Variants in DNAH14 observed in about 807,000 individuals in gnomAD.
DNAH14 encodes dynein axonemal heavy chain 14.
In DNAH14, 478 loss-of-function variants were observed where a neutral mutation model predicts 520.9. The observed-to-expected ratio is 0.92, with a 90% confidence interval of 0.85 to 0.99. The LOEUF is 0.99. DNAH14 is among the 50% of genes least tolerant of loss of function. DNAH14 has a pLI of 0.00. For synonymous variants in DNAH14, 1,581 were observed against 1,757.2 expected, an observed-to-expected ratio of 0.90 and a Z score of 2.51; for missense variants, 4,831 against 5,234.5, an observed-to-expected ratio of 0.92 and a Z score of 2.38.
chr1:225,324,791 G>A lies in DNAH14; in HGVS notation c.9682G>A (p.Ala3228Thr). The A allele has an allele frequency of 1.3e-6, 2 of 1,551,398 alleles. No individual in the cohort carries two copies. Among genetic ancestry groups the A allele is most frequent in the Non-Finnish European group, 1.7e-6 (2 of 1,146,896 alleles). ...VAEAQNVLKI[A>T]RQRLAEKQRG... ...TGAAGCTCAAAACGTCCTTAAAATT[G>A]CGCGACAAAGACTTGCTGAGAAACA... is the stretch of plus-strand genomic sequence containing the variant. The change falls in exon 64 of 86, where the codon GCG becomes ACG. Residue 3228 changes from alanine to threonine, a missense_variant. Coordinates refer to ENST00000682510, the MANE Select transcript of DNAH14 (RefSeq NM_001367479.1).
chr1:225,263,037 A>G (rs2092990637), intron 46 of DNAH14, among the ~76,000 whole-genome samples: 1 of 151,816 alleles, frequency 6.6e-6, no homozygotes, highest in East Asian at 1.9e-4. Context: ...AATCTACCTT[A>G]TGCAAATAAA....
chr1:225,190,275 G>T (rs2085259967), intron 37 of DNAH14, among the ~76,000 whole-genome samples: 1 of 151,928 alleles, frequency 6.6e-6, no homozygotes, highest in Non-Finnish European at 1.5e-5. Flanking sequence ...ATGTGAATGT[G>T]ATCTCTATCT....
chr1:225,000,322 G>A (rs1184791645), intron 8 of DNAH14, among the ~76,000 whole-genome samples: 1 of 151,966 alleles, frequency 6.6e-6, no homozygotes, highest in African/African-American at 2.4e-5. Flanking sequence ...TTTGTGTTTA[G>A]TTTTCAGAAG....
At chr1:225,269,103 A>G (rs1315756222) in intron 49 of DNAH14, among the ~76,000 whole-genome samples, 2 of 152,236 alleles carry the variant, frequency 1.3e-5, no homozygotes, top group Admixed American at 1.3e-4. Context: ...CGTAACCAAA[A>G]CAGCATCGTG....
At chr1:225,364,453 TA>T (rs1397191301) in intron 75 of DNAH14, among the ~76,000 whole-genome samples, 1 of 152,204 alleles carries the variant, frequency 6.6e-6, no homozygotes, top group Non-Finnish European at 1.5e-5. Flanking sequence ...TCAAGGATTA[TA>T]ATTGTTTACC....
intron 60 of DNAH14, among the ~76,000 whole-genome samples, chr1:225,311,005 T>TC (rs1398952008): frequency 6.6e-6 from 1 of 152,178 alleles, no homozygotes; most frequent in Non-Finnish European, 1.5e-5. Flanking sequence ...TGGTTCTAGA[T>TC]CCTTAAGGAA....
chr1:224,948,668 A>G (rs1262468151), intron 1 of DNAH14, among the ~76,000 whole-genome samples: 1 of 151,622 alleles, frequency 6.6e-6, no homozygotes, highest in East Asian at 1.9e-4. Context: ...GGTTGCTTAT[A>G]TATTTATTTT....
chr1:225,156,073 A>C (rs959376360), intron 34 of DNAH14, among the ~76,000 whole-genome samples: 1 of 151,862 alleles, frequency 6.6e-6, no homozygotes, highest in Non-Finnish European at 1.5e-5. Context: ...TATTCTTCCT[A>C]AGGCCTCTGA....
chr1:225,107,831 C>G (rs898102743), intron 23 of DNAH14, among the ~76,000 whole-genome samples: 1 of 152,178 alleles, frequency 6.6e-6, no homozygotes, highest in African/African-American at 2.4e-5. Flanking sequence ...GGAAAAAAGC[C>G]ATTTTAACTG....
chr1:225,094,011 C>T (rs1442279799), intron 21 of DNAH14, among the ~76,000 whole-genome samples: 2 of 152,128 alleles, frequency 1.3e-5, no homozygotes, highest in African/African-American at 2.4e-5. Flanking sequence ...CCATTCCATG[C>T]TCATGGATAG....
chr1:225,011,298 G>A (rs1320048738), intron 10 of DNAH14, among the ~76,000 whole-genome samples: 1 of 152,076 alleles, frequency 6.6e-6, no homozygotes, highest in African/African-American at 2.4e-5. Context: ...GGTATGTTAT[G>A]TCTTTGTTCT....
intron 12 of DNAH14, among the ~76,000 whole-genome samples, chr1:225,039,984 C>T (rs1572638533): frequency 7.1e-6 from 1 of 141,090 alleles, no homozygotes; most frequent in East Asian, 2.2e-4. Flanking sequence ...GTCTCCCAGG[C>T]TGGAGTGCTG....
chr1:225,244,931 T>C (rs1018598716), intron 43 of DNAH14, among the ~76,000 whole-genome samples: 1 of 152,174 alleles, frequency 6.6e-6, no homozygotes, highest in African/African-American at 2.4e-5. Context: ...GTTCTTTTAA[T>C]TGTGATGTTA....
chr1:225,201,481 C>T (rs2086814893), intron 38 of DNAH14, among the ~76,000 whole-genome samples: 1 of 152,100 alleles, frequency 6.6e-6, no homozygotes, highest in Non-Finnish European at 1.5e-5. Context: ...GGTTCTTTCT[C>T]ATTTGGGTAG....
intron 27 of DNAH14, among the ~76,000 whole-genome samples, chr1:225,137,497 G>A (rs1299532851): frequency 6.6e-6 from 1 of 151,948 alleles, no homozygotes; most frequent in Non-Finnish European, 1.5e-5. Context: ...CTGAGATTAC[G>A]GGCATGCACC....
Position 225,252,375 on chromosome 1 carries a change from T to G in DNAH14, c.6823T>G (p.Trp2275Gly). ...TATAGAGCAATGTGAATTCATACCT[T>G]GGTCAGATTTAGTTCCTAATGATCA... ...VDIEQCEFIPWSDLVPNDQTL... is the reference protein window; with the variant it reads ...VDIEQCEFIPGSDLVPNDQTL... Residue 2275 changes from tryptophan (W) to glycine (G), a missense_variant, in exon 44 of 86, where the codon TGG becomes GGG. Coordinates refer to ENST00000682510, the MANE Select transcript of DNAH14 (RefSeq NM_001367479.1). 2 of 1,548,484 alleles carry G rather than the reference T, an allele frequency of 1.3e-6. No homozygotes were observed. The highest frequency in any genetic ancestry group is 1.7e-6 in the Non-Finnish European group (2 of 1,144,724).
chr1:225,396,041 T>A (rs1008438177), intron 84 of DNAH14: 3 of 152,168 alleles, frequency 2.0e-5, no homozygotes, highest in Admixed American at 2.0e-4. Flanking sequence ...CTGCTAGAAC[T>A]CCAACCAGGG....
chr1:225,110,650 G>A (rs2076411944), intron 23 of DNAH14, among the ~76,000 whole-genome samples: 2 of 150,774 alleles, frequency 1.3e-5, no homozygotes, highest in South Asian at 4.2e-4. Context: ...CTTTTCTATA[G>A]TGTAATTTCA....
intron 44 of DNAH14, among the ~76,000 whole-genome samples, chr1:225,257,575 G>C (rs952550420): frequency 6.9e-6 from 1 of 144,628 alleles, no homozygotes; most frequent in Admixed American, 7.1e-5. Context: ...AGTCTCTGTC[G>C]CCCAGGCTGG....
Sources: allele counts gnomAD v4.1 joint callset (sites outside exome capture counted in the v4.1 genomes callset), GRCh38; gene constraint gnomAD v4.1.1; transcripts MANE v1.5; gene names NCBI Gene and HGNC (gene_info 2026-07-23, HGNC 2026-07-21).